DAAM1: variants seen among roughly 807,000 people sequenced by gnomAD.
DAAM1 encodes the protein disheveled-associated activator of morphogenesis 1.
Under a neutral mutation model 130.0 loss-of-function variants are expected in DAAM1, and 52 were observed. The observed-to-expected ratio is 0.40, with a 90% CI of 0.32 to 0.50. The LOEUF is 0.50. Ranked by LOEUF, DAAM1 falls within the 20% of genes least tolerant of loss-of-function variation. The pLI is 0.61. For synonymous variants in DAAM1, 452 were observed against 444.5 expected, an observed-to-expected ratio of 1.02 and a Z score of -0.21; for missense variants, 1,134 against 1,303.8, an observed-to-expected ratio of 0.87 and a Z score of 2.01.
At chr14:59,344,344 C>G (rs778993619) in intron 16 of DAAM1, among the ~76,000 whole-genome samples, 1 of 152,180 alleles carries the variant, frequency 6.6e-6, no homozygotes, top group Non-Finnish European at 1.5e-5. Context: ...GTAGAGCAAC[C>G]TGGAGTTTTG....
intron 2 of DAAM1, 66 bp from the exon 3 acceptor site, chr14:59,291,151 C>G: frequency 7.7e-7 from 1 of 1,300,066 alleles, no homozygotes; most frequent in Non-Finnish European, 1.0e-6. Context: ...CTTGATGATA[C>G]TGATAACGTT....
chr14:59,212,796 A>G (rs1888465020), intron 1 of DAAM1, among the ~76,000 whole-genome samples: 1 of 152,106 alleles, frequency 6.6e-6, no homozygotes. Flanking sequence ...TTTATTTCAG[A>G]TGGAATATTG....
chr14:59,368,273 A>G (rs1463041768), intron 24 of DAAM1, among the ~76,000 whole-genome samples: 1 of 152,184 alleles, frequency 6.6e-6, no homozygotes, highest in Non-Finnish European at 1.5e-5. Context: ...CCTTTGATAT[A>G]AGGAAAATGG....
At chr14:59,289,218 C>T (rs1322159361) in intron 2 of DAAM1, among the ~76,000 whole-genome samples, 1 of 152,024 alleles carries the variant, frequency 6.6e-6, no homozygotes, top group Non-Finnish European at 1.5e-5. Context: ...CCCGGCCCAA[C>T]CACACACTTT....
At chr14:59,320,618 T>TC in intron 5 of DAAM1, 34 bp downstream of exon 5, 3 of 1,481,618 alleles carry the variant, frequency 2.0e-6, no homozygotes, top group Non-Finnish European at 2.7e-6. Flanking sequence ...TTTTTTTTTT[T>TC]TCTCTCCTTC....
chr14:59,257,051 A>G (rs1881925991), intron 1 of DAAM1, among the ~76,000 whole-genome samples: 1 of 152,174 alleles, frequency 6.6e-6, no homozygotes, highest in Non-Finnish European at 1.5e-5. Flanking sequence ...GCTCTTGGGA[A>G]GCTGGAAAGC....
intron 24 of DAAM1, 57 bp from the exon 25 acceptor site, chr14:59,368,593 C>A: frequency 1.3e-6 from 2 of 1,548,004 alleles, no homozygotes; most frequent in Admixed American, 1.9e-5. Context: ...ACCTCTACTG[C>A]AAACAAAATG....
In DAAM1 at chr14:59,370,675, G is replaced by A. The variant is rs983474775; in HGVS notation, c.*1816G>A. On this transcript the variant is annotated 3_prime_UTR_variant, in exon 25 of 25. Transcript: ENST00000360909. ...ATAAAACAGTCATAAATACAAAGCA[G>A]AGGTTGCACTCCCCCAATCCCGAGT... is the stretch of plus-strand genomic sequence containing the variant. 6.6e-6 allele frequency: 1 copy of A among 152,194 alleles called. No homozygotes were observed. Among genetic ancestry groups the A allele is most frequent in the Non-Finnish European group, 1.5e-5 (1 of 67,988 alleles). The allele number at this position is 152,194 out of a possible 1,614,324, so 9.4% of individuals were successfully genotyped here. A position where few individuals can be genotyped will look rare whatever the true frequency, so the allele number is the denominator to read the frequency against.
intron 2 of DAAM1, among the ~76,000 whole-genome samples, chr14:59,270,555 G>A (rs971222907): frequency 6.6e-6 from 1 of 152,124 alleles, no homozygotes. Context: ...TTCAACATGA[G>A]ATTTGGAGGG....
At chr14:59,275,105 A>T (rs1426478876) in intron 2 of DAAM1, among the ~76,000 whole-genome samples, 1 of 152,182 alleles carries the variant, frequency 6.6e-6, no homozygotes, top group Admixed American at 6.5e-5. Flanking sequence ...CTATCGAAGG[A>T]GGTGGCCATG....
At chr14:59,305,734 CTT>C (rs770776629) in intron 3 of DAAM1, among the ~76,000 whole-genome samples, 3 of 152,194 alleles carry the variant, frequency 2.0e-5, no homozygotes, top group Non-Finnish European at 2.9e-5. Context: ...TTGCTCTTCT[CTT>C]TGCTGCTCTT....
chr14:59,266,845 T>C (rs1005194651), intron 2 of DAAM1, among the ~76,000 whole-genome samples: 2 of 152,198 alleles, frequency 1.3e-5, no homozygotes, highest in Admixed American at 1.3e-4. Flanking sequence ...CAAACACTTT[T>C]CCCAAATGCC....
rs1216976765 is a variant in DAAM1 at position 59,369,694 on chromosome 14, A to ATAAT, written c.*836_*839dup. ...CAATATAGATATATAAACCTTAAAA[A>ATAAT]TAATAAAATATCTCACCCAAGACTT... On this transcript the variant is annotated 3_prime_UTR_variant, in exon 25 of 25. Transcript: ENST00000360909. 1 of 151,558 alleles carries ATAAT rather than the reference A, an allele frequency of 6.6e-6. No individual in the cohort carries two copies. Among genetic ancestry groups the ATAAT allele is most frequent in the Non-Finnish European group, 1.5e-5 (1 of 67,832 alleles). The allele number at this position is 151,558 out of a possible 1,614,324, so 9.4% of individuals were successfully genotyped here.
chr14:59,326,480 A>AT lies in DAAM1; in HGVS notation c.1175-22dup, dbSNP rs200254943. The AT allele has an allele frequency of 1.5e-4, 227 of 1,556,118 alleles. No homozygotes were observed. The African/African-American group carries it at 2.3e-3, about 16-fold the overall frequency. On this transcript the variant is annotated intron_variant, in intron 10 of 24. Transcript: ENST00000360909. ...ATCCTAGCTTAGAAACAACTTGAAGATTTTTTTTCACTATTCTTTTCTTTT... is the reference window on the plus strand; with the variant it reads ...ATCCTAGCTTAGAAACAACTTGAAGATTTTTTTTTCACTATTCTTTTCTTTT...
chr14:59,273,104 C>T (rs1328330929), intron 2 of DAAM1, among the ~76,000 whole-genome samples: 1 of 152,182 alleles, frequency 6.6e-6, no homozygotes, highest in East Asian at 1.9e-4. Context: ...GTCCTGTCTG[C>T]TTAGAGACAG....
At chr14:59,360,594 C>G (rs1284403576) in intron 21 of DAAM1, 1 of 381,586 alleles carries the variant, frequency 2.6e-6, no homozygotes, top group Non-Finnish European at 4.6e-6. Flanking sequence ...AATATACCTG[C>G]TGGCTACAGA....
At chr14:59,321,127 A>G (rs1039849418) in intron 5 of DAAM1, among the ~76,000 whole-genome samples, 3 of 128,726 alleles carry the variant, frequency 2.3e-5, no homozygotes, top group African/African-American at 6.0e-5. Context: ...TAATTTGGCT[A>G]CAAAAAAAAG....
chr14:59,278,261 G>C (rs753254405), intron 2 of DAAM1, among the ~76,000 whole-genome samples: 5 of 152,254 alleles, frequency 3.3e-5, no homozygotes, highest in Admixed American at 2.0e-4. Flanking sequence ...GAGATGAAAT[G>C]TCAGGAGGAA....
At chr14:59,304,271 A>G (rs1017241053) in intron 3 of DAAM1, among the ~76,000 whole-genome samples, 2 of 152,232 alleles carry the variant, frequency 1.3e-5, no homozygotes, top group African/African-American at 4.8e-5. Context: ...TTTCCTATAT[A>G]TATTTTTTCA....
Sources: gnomAD v4.1 joint callset for allele counts (sites outside exome capture counted in the v4.1 genomes callset) on GRCh38, gnomAD v4.1.1 for gene constraint, MANE v1.5 for transcripts, NCBI Gene and HGNC (gene_info 2026-07-23, HGNC 2026-07-21) for gene names.